The following KAZN variants were observed in gnomAD, a reference collection of about 807,000 sequenced individuals.
The protein encoded by KAZN is kazrin.
A neutral mutation model predicts 87.4 loss-of-function variants in KAZN; 40 were observed. The observed-to-expected ratio is 0.46, with a 90% CI of 0.36 to 0.60. The LOEUF (loss-of-function observed/expected upper bound fraction) is 0.60, where lower values mean the gene tolerates loss of function less well. Ranked by LOEUF, KAZN falls within the 20% of genes least tolerant of loss-of-function variation. The pLI, the probability that KAZN is intolerant of heterozygous loss-of-function variation, is 0.00. For synonymous variants in KAZN, 466 were observed against 458.3 expected (o/e 1.02, Z -0.22); for missense variants, 898 against 1,073.9 (o/e 0.84, Z 2.29).
chr1:14,351,751 C>G (rs1281479760), intron 2 of KAZN, among the ~76,000 whole-genome samples: 1 of 152,154 alleles, frequency 6.6e-6, no homozygotes, highest in Admixed American at 6.5e-5. Flanking sequence ...AGCTCTACCC[C>G]ACAGCAAACA....
At chr1:14,985,400 C>G (rs1417373426) in intron 2 of KAZN, among the ~76,000 whole-genome samples, 2 of 151,940 alleles carry the variant, frequency 1.3e-5, no homozygotes, top group African/African-American at 4.8e-5. Context: ...GGCATGGTGG[C>G]ACTCACCTGT....
At chr1:15,108,299 C>A (rs1641365378) in intron 13 of KAZN, among the ~76,000 whole-genome samples, 1 of 152,242 alleles carries the variant, frequency 6.6e-6, no homozygotes. Context: ...CTCAAACCAT[C>A]CCTGAAATGT....
chr1:14,849,485 T>G (rs1193301582), intron 1 of KAZN, among the ~76,000 whole-genome samples: 2 of 152,260 alleles, frequency 1.3e-5, no homozygotes, highest in Non-Finnish European at 2.9e-5. Flanking sequence ...AAACCCTACA[T>G]TCTATAAAGT....
intron 1 of KAZN, among the ~76,000 whole-genome samples, chr1:14,001,195 A>C (rs957037105): frequency 3.3e-5 from 5 of 152,188 alleles, no homozygotes; most frequent in African/African-American, 1.2e-4. Flanking sequence ...AATCACAAGC[A>C]TTCCTTTACA....
At chr1:14,768,056 G>A (rs971988561) in intron 1 of KAZN, among the ~76,000 whole-genome samples, 6 of 152,088 alleles carry the variant, frequency 3.9e-5, no homozygotes, top group African/African-American at 1.2e-4. Context: ...TGTCGCCGTC[G>A]AGATTTACAT....
chr1:13,937,941 A>C (rs1359390577), intron 1 of KAZN, among the ~76,000 whole-genome samples: 1 of 152,114 alleles, frequency 6.6e-6, no homozygotes, highest in Non-Finnish European at 1.5e-5. Context: ...ATTATAGTAT[A>C]ATTTGAAGTT....
At chr1:14,038,802 T>C (rs1484287926) in intron 1 of KAZN, among the ~76,000 whole-genome samples, 1 of 152,122 alleles carries the variant, frequency 6.6e-6, no homozygotes, top group Non-Finnish European at 1.5e-5. Context: ...TAGATTTGGG[T>C]GTGAATCCGT....
At chr1:14,297,515 G>T (rs552407143) in intron 2 of KAZN, among the ~76,000 whole-genome samples, 67 of 152,222 alleles carry the variant, frequency 4.4e-4, no homozygotes, top group Non-Finnish European at 9.1e-4. Flanking sequence ...AGAGCCAGCT[G>T]CAGGGCTCCT....
chr1:14,377,191 T>C (rs1220265624), intron 2 of KAZN, among the ~76,000 whole-genome samples: 3 of 152,212 alleles, frequency 2.0e-5, no homozygotes, highest in African/African-American at 7.2e-5. Context: ...AATATAGACA[T>C]TACAAAATAA....
At chr1:13,937,550 T>G (rs1268360077) in intron 1 of KAZN, among the ~76,000 whole-genome samples, 1 of 152,230 alleles carries the variant, frequency 6.6e-6, no homozygotes, top group East Asian at 1.9e-4. Context: ...TTGTTTATTT[T>G]TGTTTTCGTT....
At chr1:14,546,618 T>A (rs1394920597) in intron 2 of KAZN, among the ~76,000 whole-genome samples, 4 of 152,158 alleles carry the variant, frequency 2.6e-5, no homozygotes, top group Non-Finnish European at 5.9e-5. Context: ...AAAGACTGCT[T>A]GGAAGACTTC....
At chr1:14,615,182 G>C (rs1678132504) in intron 1 of KAZN, among the ~76,000 whole-genome samples, 1 of 152,216 alleles carries the variant, frequency 6.6e-6, no homozygotes, top group African/African-American at 2.4e-5. Context: ...GATTGACAGA[G>C]CACTGTGATG....
intron 2 of KAZN, among the ~76,000 whole-genome samples, chr1:14,485,259 AT>A (rs1294125143): frequency 6.6e-6 from 1 of 152,210 alleles, no homozygotes; most frequent in African/African-American, 2.4e-5. Context: ...GAAACACCAA[AT>A]TCTCACATTC....
At chr1:14,888,187 C>T (rs1214358006) in intron 1 of KAZN, among the ~76,000 whole-genome samples, 1 of 152,182 alleles carries the variant, frequency 6.6e-6, no homozygotes, top group Non-Finnish European at 1.5e-5. Context: ...CTCGCCGGAG[C>T]GGTGCTTTCA....
At chr1:14,077,326 C>T (rs1334103737) in intron 1 of KAZN, among the ~76,000 whole-genome samples, 3 of 152,152 alleles carry the variant, frequency 2.0e-5, no homozygotes, top group East Asian at 3.9e-4. Context: ...CTGTAAAGGG[C>T]TGTCCCCATG....
intron 2 of KAZN, among the ~76,000 whole-genome samples, chr1:14,207,278 T>A (rs1464668344): frequency 6.6e-6 from 1 of 152,104 alleles, no homozygotes; most frequent in Non-Finnish European, 1.5e-5. Context: ...TTTACATCCT[T>A]TTTTACCATA....
At chr1:14,698,165 G>A (rs904248523) in intron 1 of KAZN, among the ~76,000 whole-genome samples, 1 of 152,202 alleles carries the variant, frequency 6.6e-6, no homozygotes, top group Non-Finnish European at 1.5e-5. Context: ...TGCAAAATTA[G>A]TGACTTTTTT....
intron 2 of KAZN, among the ~76,000 whole-genome samples, chr1:14,357,461 T>C (rs1659132677): frequency 1.3e-5 from 2 of 152,304 alleles, no homozygotes; most frequent in South Asian, 4.1e-4. Context: ...AATACTATGT[T>C]GAATAAAAGT....
intron 1 of KAZN, among the ~76,000 whole-genome samples, chr1:14,762,551 C>T (rs1175646571): frequency 6.6e-6 from 1 of 152,018 alleles, no homozygotes; most frequent in African/African-American, 2.4e-5. Flanking sequence ...TGGTGAAACC[C>T]CGTCTCTACT....
Sources: gnomAD v4.1 joint callset for allele counts (sites outside exome capture counted in the v4.1 genomes callset) on GRCh38, gnomAD v4.1.1 for gene constraint, MANE v1.5 for transcripts, NCBI Gene and HGNC (gene_info 2026-07-23, HGNC 2026-07-21) for gene names.